The following SLC35F3 variants were observed in gnomAD, a reference collection of about 807,000 sequenced individuals.
SLC35F3 encodes the protein solute carrier family 35 member F3.
Under a neutral mutation model 49.9 loss-of-function variants are expected in SLC35F3, and 25 were observed. The observed-to-expected ratio is 0.50, with a 90% CI of 0.37 to 0.70. The LOEUF is 0.70. SLC35F3 is among the 30% of genes least tolerant of loss of function. The pLI is 0.00. For synonymous variants in SLC35F3, 275 were observed against 265.4 expected (o/e 1.04, Z -0.35); for missense variants, 525 against 639.8 (o/e 0.82, Z 1.94).
intron 3 of SLC35F3, among the ~76,000 whole-genome samples, chr1:234,243,044 G>A (rs1667577977): frequency 2.0e-5 from 3 of 152,154 alleles, no homozygotes; most frequent in African/African-American, 7.2e-5. Flanking sequence ...TCTTCCAAAT[G>A]CTTATTGGTT....
At chr1:234,072,100 G>A (rs750866809) in intron 2 of SLC35F3, among the ~76,000 whole-genome samples, 2 of 152,228 alleles carry the variant, frequency 1.3e-5, no homozygotes, top group Non-Finnish European at 2.9e-5. Context: ...AGTAGATATT[G>A]TAGGCAGCAT....
chr1:234,310,003 G>C (rs1458543915), intron 4 of SLC35F3, among the ~76,000 whole-genome samples: 1 of 152,090 alleles, frequency 6.6e-6, no homozygotes, highest in Non-Finnish European at 1.5e-5. Flanking sequence ...CATAACAACT[G>C]TATGAAATAG....
chr1:234,052,736 T>A (rs1452002844), intron 2 of SLC35F3, among the ~76,000 whole-genome samples: 1 of 152,240 alleles, frequency 6.6e-6, no homozygotes, highest in Non-Finnish European at 1.5e-5. Flanking sequence ...TATTAAGGTG[T>A]CAATTTTAGA....
chr1:234,163,992 A>G (rs540611873), intron 2 of SLC35F3, among the ~76,000 whole-genome samples: 1 of 145,904 alleles, frequency 6.9e-6, no homozygotes, highest in Non-Finnish European at 1.5e-5. Context: ...AGAAAAAAAT[A>G]TCTCCTTCCT....
chr1:234,175,965 C>T (rs1307426549), intron 2 of SLC35F3, among the ~76,000 whole-genome samples: 1 of 152,208 alleles, frequency 6.6e-6, no homozygotes, highest in Non-Finnish European at 1.5e-5. Context: ...CTTTCTTTCT[C>T]AAGCATATCT....
At chr1:234,092,135 C>T (rs1368185670) in intron 2 of SLC35F3, among the ~76,000 whole-genome samples, 2 of 152,216 alleles carry the variant, frequency 1.3e-5, no homozygotes, top group Non-Finnish European at 2.9e-5. Context: ...TCAGAAGACA[C>T]ACCCAGAGGG....
rs1484674823 is a variant in SLC35F3, at chr1:234,214,303, G to A, written c.284-17114G>A. The A allele has an allele frequency of 7.7e-7, 1 of 1,295,034 alleles. No homozygotes were observed. Among genetic ancestry groups the A allele is most frequent in the Non-Finnish European group, 9.8e-7 (1 of 1,025,264 alleles). The allele number at this position is 1,295,034 out of a possible 1,614,324, so 80.2% of individuals were successfully genotyped here. A position where few individuals can be genotyped will look rare whatever the true frequency, so the allele number is the denominator to read the frequency against. The stretch of plus-strand genomic sequence containing the variant: ...CGGCCGGGGAGGATGTGCGCTGCAG[G>A]GCGGCCGCCGCAGTGAGCAACGCGG... On this transcript the variant is annotated intron_variant, in intron 2 of 7. Coordinates refer to ENST00000366618, the MANE Select transcript of SLC35F3 (RefSeq NM_173508.4). The surrounding 1 kb of genome is among the most constrained non-coding windows in gnomAD (Gnocchi z 8.0).
At chr1:234,256,666 A>G (rs970218935) in intron 3 of SLC35F3, among the ~76,000 whole-genome samples, 2 of 152,204 alleles carry the variant, frequency 1.3e-5, no homozygotes, top group African/African-American at 4.8e-5. Context: ...GATGTCAGAG[A>G]ACCAAAAACT....
At chr1:234,011,327 T>A (rs904349587) in intron 2 of SLC35F3, among the ~76,000 whole-genome samples, 1 of 152,224 alleles carries the variant, frequency 6.6e-6, no homozygotes, top group Non-Finnish European at 1.5e-5. Flanking sequence ...TATGACAGGA[T>A]TGCAGAGTGC....
At chr1:234,125,922 A>ACTTC (rs1558236339) in intron 2 of SLC35F3, among the ~76,000 whole-genome samples, 21 of 152,278 alleles carry the variant, frequency 1.4e-4, no homozygotes, top group African/African-American at 4.8e-4. Flanking sequence ...GTGTGTGATG[A>ACTTC]AGAACAGTCT....
chr1:234,080,811 A>G (rs1027018537), intron 2 of SLC35F3, among the ~76,000 whole-genome samples: 1 of 152,228 alleles, frequency 6.6e-6, no homozygotes, highest in Admixed American at 6.5e-5. Flanking sequence ...TTCTGCGTCA[A>G]TGGAAATATT....
In SLC35F3 at chr1:234,324,175, A is replaced by G. The variant is rs969771448; in HGVS notation, c.*932A>G. Reference sequence around the variant, plus strand: ...TTTTACTTCCTGACCAAGACTGAAAAATTATTTACTGAAATCTGTAAACCT... The same window carrying G: ...TTTTACTTCCTGACCAAGACTGAAAGATTATTTACTGAAATCTGTAAACCT... On this transcript the variant is annotated 3_prime_UTR_variant, in exon 8 of 8. Transcript: ENST00000366618. 3.9e-5 allele frequency: 6 copies of G among 152,184 alleles called. No individual in the cohort carries two copies. Among genetic ancestry groups the G allele is most frequent in the Admixed American group, 1.3e-4 (2 of 15,288 alleles). The allele number at this position is 152,184 out of a possible 1,614,324, so 9.4% of individuals were successfully genotyped here. A position where few individuals can be genotyped will look rare whatever the true frequency, so the allele number is the denominator to read the frequency against.
intron 2 of SLC35F3, among the ~76,000 whole-genome samples, chr1:234,157,662 A>T (rs1208747816): frequency 1.3e-5 from 2 of 152,142 alleles, no homozygotes; most frequent in Non-Finnish European, 2.9e-5. Context: ...TCCTTTGCAC[A>T]TTGTATTCTC....
At chr1:233,959,476 G>T (rs1662758274) in intron 2 of SLC35F3, among the ~76,000 whole-genome samples, 1 of 152,144 alleles carries the variant, frequency 6.6e-6, no homozygotes, top group Admixed American at 6.5e-5. Context: ...GGGAGGGTTA[G>T]CAGCAAACAA....
chr1:234,130,713 C>T (rs1225128553), intron 2 of SLC35F3, among the ~76,000 whole-genome samples: 1 of 151,028 alleles, frequency 6.6e-6, no homozygotes, highest in Non-Finnish European at 1.5e-5. Context: ...AACTCTCATA[C>T]ACTGCTGGTA....
chr1:234,316,458 C>T lies in SLC35F3; in HGVS notation c.829-144C>T, dbSNP rs1180201590. 3 of 1,091,488 alleles carry T rather than the reference C, an allele frequency of 2.7e-6. No homozygotes were observed. The African/African-American group carries it at 4.8e-5, about 17-fold the overall frequency. 67.6% of individuals were successfully genotyped at this position (1,091,488 alleles called of 1,614,324 possible). A position where few individuals can be genotyped will look rare whatever the true frequency, so the allele number is the denominator to read the frequency against. On this transcript the variant is annotated intron_variant, in intron 4 of 7. Transcript: ENST00000366618. ...GACAGGAGTCAGACTTTGCCTGTTGCTCTCCCAAGGAGGAACAAAAAGGAG... is the reference window on the plus strand; with the variant it reads ...GACAGGAGTCAGACTTTGCCTGTTGTTCTCCCAAGGAGGAACAAAAAGGAG...
chr1:233,952,388 TG>T (rs1249948812), intron 2 of SLC35F3, among the ~76,000 whole-genome samples: 2 of 152,178 alleles, frequency 1.3e-5, no homozygotes, highest in East Asian at 3.8e-4. Context: ...GGGGTTGAGG[TG>T]GGTGTGGGCT....
At chr1:234,175,260 G>C (rs1490792208) in intron 2 of SLC35F3, among the ~76,000 whole-genome samples, 4 of 152,144 alleles carry the variant, frequency 2.6e-5, no homozygotes, top group Non-Finnish European at 4.4e-5. Flanking sequence ...CTTCATTTTG[G>C]TCCAAAGAAG....
At chr1:233,947,162 T>C (rs1662525778) in intron 2 of SLC35F3, among the ~76,000 whole-genome samples, 1 of 152,198 alleles carries the variant, frequency 6.6e-6, no homozygotes, top group Non-Finnish European at 1.5e-5. Context: ...ATTCAAGTTT[T>C]TAAAAGCTAG....
Sources: gnomAD v4.1 joint callset for allele counts (sites outside exome capture counted in the v4.1 genomes callset) on GRCh38, gnomAD v4.1.1 for gene constraint, Gnocchi (gnomAD v3.1) non-coding constraint, MANE v1.5 for transcripts, NCBI Gene and HGNC (gene_info 2026-07-23, HGNC 2026-07-21) for gene names.